Variants in TTC23L observed in about 807,000 individuals in gnomAD.
TTC23L encodes the protein tetratricopeptide repeat protein 23-like.
TTC23L carries 42 observed loss-of-function variants against 48.1 expected under a neutral mutation model. That is an observed-to-expected ratio of 0.87 (90% CI 0.68 to 1.13). The LOEUF is 1.13. Among genes scored for constraint, TTC23L ranks in the 50% most tolerant of loss-of-function variants. The pLI is 0.00. For synonymous variants in TTC23L, 159 were observed against 157.2 expected (o/e 1.01, Z -0.09); for missense variants, 391 against 421.0 (o/e 0.93, Z 0.62).
chr5:34,924,716 C>T, the TTC23L span: 1 of 561,214 alleles, frequency 1.8e-6, no homozygotes, highest in East Asian at 2.7e-5. Context: ...TGCCATTTAC[C>T]AAGTTTCACC....
At chr5:34,867,167 G>C (rs1761118943) in intron 7 of TTC23L, 98 bp downstream of exon 7, 10 of 1,260,322 alleles carry the variant, frequency 7.9e-6, no homozygotes, top group Non-Finnish European at 1.0e-5. Context: ...AAGAACAAGG[G>C]CTGGAATTGA....
chr5:34,879,220 A>G (rs1236362989), intron 8 of TTC23L, among the ~76,000 whole-genome samples: 1 of 152,176 alleles, frequency 6.6e-6, no homozygotes, highest in Non-Finnish European at 1.5e-5. Context: ...TGAGAAATTA[A>G]TGAGTACAAT....
chr5:34,877,333 C>T (rs1261578610), intron 8 of TTC23L, among the ~76,000 whole-genome samples: 1 of 147,316 alleles, frequency 6.8e-6, no homozygotes, highest in Non-Finnish European at 1.5e-5. Flanking sequence ...GTCACATCTA[C>T]AAAAAACCTG....
At chr5:34,904,675 C>T in the TTC23L span, among the ~76,000 whole-genome samples, 1 of 151,982 alleles carries the variant, frequency 6.6e-6, no homozygotes. Flanking sequence ...TCACCCACCA[C>T]TGCATTAAAG....
At chr5:34,848,820 C>T (rs1759437816) in intron 3 of TTC23L, among the ~76,000 whole-genome samples, 1 of 152,022 alleles carries the variant, frequency 6.6e-6, no homozygotes, top group Non-Finnish European at 1.5e-5. Flanking sequence ...GGCATTGGGT[C>T]AGATTATGCA....
chr5:34,911,210 C>G, the TTC23L span, among the ~76,000 whole-genome samples: 2 of 152,144 alleles, frequency 1.3e-5, no homozygotes, highest in Non-Finnish European at 2.9e-5. Context: ...AAAAAGATAC[C>G]ATAATACAAA....
the TTC23L span, chr5:34,922,778 T>G: frequency 1.1e-5 from 18 of 1,611,394 alleles, no homozygotes; most frequent in South Asian, 1.9e-4. Context: ...TGTAAGTTTC[T>G]CATTCAGTGT....
the TTC23L span, chr5:34,922,010 T>C: frequency 3.1e-6 from 1 of 321,448 alleles, no homozygotes; most frequent in Non-Finnish European, 5.6e-6. Context: ...ACCCAAGATA[T>C]GGGCAGAGCA....
At chr5:34,888,282 T>G (rs1296801032) in intron 9 of TTC23L, among the ~76,000 whole-genome samples, 8 of 152,168 alleles carry the variant, frequency 5.3e-5, no homozygotes, top group Non-Finnish European at 1.2e-4. Flanking sequence ...TAAGCCTAGG[T>G]AGGGGCTACA....
At chr5:34,855,075 A>G (rs999600694) in intron 4 of TTC23L, among the ~76,000 whole-genome samples, 7 of 152,184 alleles carry the variant, frequency 4.6e-5, no homozygotes, top group South Asian at 2.1e-4. Flanking sequence ...GGCATAAGGA[A>G]GGAAAGTGCC....
chr5:34,908,661 C>T, the TTC23L span: 1 of 1,086,476 alleles, frequency 9.2e-7, no homozygotes, highest in Admixed American at 2.6e-5. Flanking sequence ...CATTGTGCTT[C>T]TTCTCTATAG....
At chr5:34,909,626 C>T in the TTC23L span, among the ~76,000 whole-genome samples, 23 of 152,158 alleles carry the variant, frequency 1.5e-4, no homozygotes, top group Non-Finnish European at 2.1e-4. Flanking sequence ...CTGAAAATGA[C>T]TTTTCCTCAT....
At chr5:34,880,055 C>A in intron 8 of TTC23L, 126 bp from the exon 9 acceptor site, 1 of 1,176,466 alleles carries the variant, frequency 8.5e-7, no homozygotes. Flanking sequence ...TTAAAGAGTC[C>A]TTATGAGACC....
At chr5:34,846,736 A>G (rs1261739752) in intron 3 of TTC23L, among the ~76,000 whole-genome samples, 1 of 142,658 alleles carries the variant, frequency 7.0e-6, no homozygotes, top group East Asian at 2.1e-4. Context: ...TCAGGATGCT[A>G]TCTCTTAGGT....
intron 10 of TTC23L, among the ~76,000 whole-genome samples, chr5:34,898,619 C>T (rs965186074): frequency 2.0e-5 from 3 of 152,176 alleles, no homozygotes; most frequent in Non-Finnish European, 4.4e-5. Flanking sequence ...TTTGGAATCT[C>T]ATTATCTCCT....
chr5:34,918,801 A>C, the TTC23L span: 2 of 185,554 alleles, frequency 1.1e-5, no homozygotes, highest in Non-Finnish European at 2.1e-5. Context: ...GGACTGCCAC[A>C]TGTTGCTTTT....
chr5:34,913,117 C>T, the TTC23L span, among the ~76,000 whole-genome samples: 1 of 152,110 alleles, frequency 6.6e-6, no homozygotes, highest in Non-Finnish European at 1.5e-5. Context: ...TTTTTCTCTG[C>T]CACTAACTAG....
chr5:34,874,209 A>T (rs1022433228), intron 8 of TTC23L, among the ~76,000 whole-genome samples: 1 of 152,226 alleles, frequency 6.6e-6, no homozygotes, highest in African/African-American at 2.4e-5. Context: ...AGTACCACAG[A>T]CTTGACGTAA....
chr5:34,914,964 G>T, the TTC23L span: 1 of 1,533,644 alleles, frequency 6.5e-7, no homozygotes, highest in Non-Finnish European at 8.9e-7. Flanking sequence ...CCAAACACCT[G>T]AAGGGATTAG....
Sources: allele counts gnomAD v4.1 joint callset (sites outside exome capture counted in the v4.1 genomes callset), GRCh38; gene constraint gnomAD v4.1.1; transcripts MANE v1.5; gene names NCBI Gene and HGNC (gene_info 2026-07-23, HGNC 2026-07-21).